Variants in ADAMTSL1 observed in about 807,000 individuals in gnomAD.
ADAMTSL1 encodes ADAMTS-like protein 1.
A neutral mutation model predicts 201.8 loss-of-function variants in ADAMTSL1; 126 were observed. That is an observed-to-expected ratio of 0.62 (90% CI 0.54 to 0.72). The LOEUF is 0.72. Ranked by LOEUF, ADAMTSL1 falls within the 30% of genes least tolerant of loss-of-function variation. The pLI, the probability that ADAMTSL1 is intolerant of heterozygous loss-of-function variation, is 0.00. For missense variants in ADAMTSL1, 2,679 were observed against 2,277.8 expected, an observed-to-expected ratio of 1.18 and a Z score of -3.59; for synonymous variants, 1,121 against 903.4, an observed-to-expected ratio of 1.24 and a Z score of -4.32.
chr9:17,985,029 TGTAGGTA>T (rs1818865353), intron 1 of ADAMTSL1, among the ~76,000 whole-genome samples: 1 of 152,144 alleles, frequency 6.6e-6, no homozygotes, highest in Non-Finnish European at 1.5e-5. Context: ...GGAAGACCTC[TGTAGGTA>T]ATTGTTTTCT....
At position 18,254,355 on chromosome 9, in the gene ADAMTSL1, T is replaced by G. The variant is rs887944485; in HGVS notation, c.207+90374T>G. On this transcript the variant is annotated intron_variant, in intron 2 of 29. Transcript: ENST00000680146. Reference sequence around the variant, plus strand: ...TCAATACTCTTTTTGGTTTTTTTTTTTTTTTTTTTTTTTTTTTTTTTTTTT... The same window carrying G: ...TCAATACTCTTTTTGGTTTTTTTTTGTTTTTTTTTTTTTTTTTTTTTTTTT... Among the ~76,000 whole-genome samples the G allele has an allele frequency of 1.1e-3, 106 of 93,760 alleles. 1 individual carries two copies. The highest frequency in any genetic ancestry group is 4.0e-3 in the African/African-American group (96 of 23,916). The allele number at this position is 93,760 out of a possible 152,430, so 61.5% of individuals were successfully genotyped here. A position where few individuals can be genotyped will look rare whatever the true frequency, so the allele number is the denominator to read the frequency against.
chr9:18,257,949 A>C (rs1831754287), intron 2 of ADAMTSL1, among the ~76,000 whole-genome samples: 1 of 152,362 alleles, frequency 6.6e-6, no homozygotes, highest in Non-Finnish European at 1.5e-5. Flanking sequence ...TGAGATCTTC[A>C]GAGCAGAAGG....
chr9:18,254,266 T>C (rs1831580295), intron 2 of ADAMTSL1, among the ~76,000 whole-genome samples: 1 of 151,568 alleles, frequency 6.6e-6, no homozygotes, highest in East Asian at 1.9e-4. Flanking sequence ...GGCTAACATT[T>C]ACGGACGGGT....
intron 3 of ADAMTSL1, among the ~76,000 whole-genome samples, chr9:18,564,908 C>T (rs750833062): frequency 6.6e-6 from 1 of 152,160 alleles, no homozygotes; most frequent in Non-Finnish European, 1.5e-5. Flanking sequence ...TGACAAACTA[C>T]AACCAGTCTT....
At chr9:18,536,822 G>C (rs1234853180) in intron 3 of ADAMTSL1, among the ~76,000 whole-genome samples, 1 of 152,082 alleles carries the variant, frequency 6.6e-6, no homozygotes, top group Non-Finnish European at 1.5e-5. Context: ...CTCTTAAAAA[G>C]GTTTTCTTAG....
At chr9:18,894,542 G>T (rs1471985314) in intron 26 of ADAMTSL1, among the ~76,000 whole-genome samples, 1 of 152,006 alleles carries the variant, frequency 6.6e-6, no homozygotes, top group Non-Finnish European at 1.5e-5. Context: ...TGATCCATTG[G>T]ATATGAGGGA....
intron 13 of ADAMTSL1, among the ~76,000 whole-genome samples, chr9:18,692,051 T>C (rs990707132): frequency 8.5e-5 from 13 of 152,312 alleles, no homozygotes; most frequent in African/African-American, 3.1e-4. Flanking sequence ...AATATTTAAC[T>C]CAAAACTCAG....
intron 2 of ADAMTSL1, among the ~76,000 whole-genome samples, chr9:18,460,653 C>T (rs1263221086): frequency 1.3e-5 from 2 of 152,158 alleles, no homozygotes; most frequent in African/African-American, 4.8e-5. Flanking sequence ...ACTATCGCTA[C>T]GCTCAGCTTC....
chr9:18,002,518 A>C (rs1819654873), intron 1 of ADAMTSL1, among the ~76,000 whole-genome samples: 1 of 152,084 alleles, frequency 6.6e-6, no homozygotes, highest in South Asian at 2.1e-4. Context: ...CTAGCATAAG[A>C]GTATGTGACC....
chr9:18,221,904 A>G (rs1366014591), intron 2 of ADAMTSL1, among the ~76,000 whole-genome samples: 2 of 152,058 alleles, frequency 1.3e-5, no homozygotes, highest in Non-Finnish European at 2.9e-5. Context: ...ATTTCCCACC[A>G]TTATGACAAA....
At chr9:18,059,930 T>TA (rs989556780) in intron 1 of ADAMTSL1, among the ~76,000 whole-genome samples, 24 of 152,094 alleles carry the variant, frequency 1.6e-4, no homozygotes, top group Admixed American at 3.9e-4. Context: ...AAGTTTTCTT[T>TA]AAAAAAAACT....
intron 1 of ADAMTSL1, among the ~76,000 whole-genome samples, chr9:18,027,070 C>T (rs1820728677): frequency 6.7e-6 from 1 of 148,916 alleles, no homozygotes; most frequent in African/African-American, 2.5e-5. Context: ...TTTGCCATTT[C>T]TGATTGTGCT....
intron 1 of ADAMTSL1, among the ~76,000 whole-genome samples, chr9:18,057,197 C>A (rs1822231192): frequency 6.6e-6 from 1 of 152,018 alleles, no homozygotes; most frequent in South Asian, 2.1e-4. Context: ...TTTGCATTTG[C>A]CACAAAAAGA....
intron 3 of ADAMTSL1, among the ~76,000 whole-genome samples, chr9:18,553,861 AG>A (rs1241026049): frequency 6.6e-6 from 1 of 151,834 alleles, no homozygotes; most frequent in Non-Finnish European, 1.5e-5. Context: ...TTCAGTAGTT[AG>A]CTATGATCTT....
chr9:18,412,785 C>G (rs550836544), intron 2 of ADAMTSL1, among the ~76,000 whole-genome samples: 2 of 152,322 alleles, frequency 1.3e-5, no homozygotes, highest in African/African-American at 4.8e-5. Context: ...TTAAAAGCCT[C>G]TGCTTTCTGG....
intron 2 of ADAMTSL1, among the ~76,000 whole-genome samples, chr9:18,327,034 G>A (rs959397256): frequency 5.9e-5 from 9 of 152,194 alleles, no homozygotes; most frequent in African/African-American, 2.2e-4. Flanking sequence ...AGCAAGTAGG[G>A]AATGATTATT....
At chr9:18,434,601 G>A (rs1405484697) in intron 2 of ADAMTSL1, among the ~76,000 whole-genome samples, 2 of 152,212 alleles carry the variant, frequency 1.3e-5, no homozygotes, top group African/African-American at 4.8e-5. Flanking sequence ...GACAGTTCCT[G>A]TAGATTAGGC....
At chr9:18,690,611 T>C (rs1831152675) in intron 13 of ADAMTSL1, among the ~76,000 whole-genome samples, 1 of 152,152 alleles carries the variant, frequency 6.6e-6, no homozygotes, top group South Asian at 2.1e-4. Flanking sequence ...GATCTTTCAA[T>C]CAATAAAAAG....
chr9:18,659,502 C>T (rs1828925067), intron 8 of ADAMTSL1, among the ~76,000 whole-genome samples: 2 of 152,202 alleles, frequency 1.3e-5, no homozygotes, highest in South Asian at 4.1e-4. Context: ...CAGTGGCTCA[C>T]GCCTGTAATC....
Sources: allele counts gnomAD v4.1 joint callset (sites outside exome capture counted in the v4.1 genomes callset), GRCh38; gene constraint gnomAD v4.1.1; transcripts MANE v1.5; gene names NCBI Gene and HGNC (gene_info 2026-07-23, HGNC 2026-07-21).